The following CC2D2B variants were observed in gnomAD, a reference collection of about 807,000 sequenced individuals.
CC2D2B encodes the protein coiled-coil and C2 domain containing 2B, also known as protein CC2D2B.
In CC2D2B, 128 loss-of-function variants were observed where a neutral mutation model predicts 161.2. That is an observed-to-expected ratio of 0.79 (90% CI 0.69 to 0.92). CC2D2B has a LOEUF of 0.92. CC2D2B is among the 40% of genes least tolerant of loss of function. The probability of loss-of-function intolerance (pLI) is 0.00; values close to 1 mark genes in which losing one functional copy is unlikely to be tolerated. For missense variants in CC2D2B, 1,173 were observed against 1,375.1 expected (o/e 0.85, Z 2.32); for synonymous variants, 391 against 449.8 (o/e 0.87, Z 1.65).
chr10:95,911,209 A>G (rs772659220), intron 1 of CC2D2B, 92 bp from the exon 2 acceptor site: 12 of 199,698 alleles, frequency 6.0e-5, no homozygotes, highest in Non-Finnish European at 9.9e-5. Flanking sequence ...TTGTTAAATT[A>G]AAAAATTTAA....
At chr10:95,921,003 C>G (rs919768941) in intron 2 of CC2D2B, 4 of 152,728 alleles carry the variant, frequency 2.6e-5, no homozygotes, top group African/African-American at 9.7e-5. Context: ...TGCAAGCACT[C>G]CCTTGGCTGC....
At chr10:95,929,878 G>C (rs1028299750) in intron 6 of CC2D2B, among the ~76,000 whole-genome samples, 1 of 152,098 alleles carries the variant, frequency 6.6e-6, no homozygotes, top group African/African-American at 2.4e-5. Flanking sequence ...GGCTATCCAG[G>C]CTCTTTTTTG....
intron 9 of CC2D2B, 126 bp from the exon 10 acceptor site, chr10:95,949,770 T>G: frequency 2.5e-6 from 1 of 395,616 alleles, no homozygotes; most frequent in Non-Finnish European, 4.4e-6. Flanking sequence ...CAAATTATTA[T>G]TTTTTGTTTT....
intron 34 of CC2D2B, among the ~76,000 whole-genome samples, chr10:96,029,322 A>T (rs2079965609): frequency 7.3e-6 from 1 of 137,652 alleles, no homozygotes; most frequent in Non-Finnish European, 1.6e-5. Flanking sequence ...CTATATATGT[A>T]CTATGTGCCC....
intron 9 of CC2D2B, among the ~76,000 whole-genome samples, chr10:95,943,894 T>G (rs2141299281): frequency 6.6e-6 from 1 of 152,308 alleles, no homozygotes; most frequent in South Asian, 2.1e-4. Flanking sequence ...TTGTTAAGCG[T>G]ATTGAGGATG....
intron 34 of CC2D2B, among the ~76,000 whole-genome samples, chr10:96,029,286 GTATATATATATATA>G (rs58363071): frequency 7.1e-5 from 5 of 70,640 alleles, no homozygotes; most frequent in Non-Finnish European, 9.1e-5. Context: ...ATATATATAT[GTATATATATATATA>G]TATATGTATA....
chr10:95,910,366 AC>A (rs2098503979), intron 1 of CC2D2B, among the ~76,000 whole-genome samples: 1 of 152,210 alleles, frequency 6.6e-6, no homozygotes, highest in Non-Finnish European at 1.5e-5. Flanking sequence ...CATGGCTCTA[AC>A]ATCTGCTTCT....
intron 24 of CC2D2B, chr10:96,000,304 C>T (rs1269662801): frequency 1.8e-5 from 12 of 652,050 alleles, no homozygotes; most frequent in Non-Finnish European, 2.3e-5. Flanking sequence ...CTCTATTTTT[C>T]TATTGTTTCG....
intron 26 of CC2D2B, 53 bp downstream of exon 26, chr10:96,009,976 A>G: frequency 9.0e-7 from 1 of 1,109,830 alleles, no homozygotes; most frequent in Admixed American, 1.8e-5. Flanking sequence ...TGGCTCATAG[A>G]AAAACTTTCT....
At chr10:95,987,049 G>T (rs2077757690) in intron 19 of CC2D2B, among the ~76,000 whole-genome samples, 1 of 152,126 alleles carries the variant, frequency 6.6e-6, no homozygotes, top group Admixed American at 6.6e-5. Context: ...ATGAGGCCGG[G>T]TATGGTGGCT....
rs1162642072 is a variant in CC2D2B at position 96,017,061 on chromosome 10, A to AG, written c.3630+747_3630+748insG. On this transcript the variant is annotated intron_variant, in intron 30 of 34. Transcript: ENST00000646931. ...AGTGTATTTTAAGATCTGTAAAAAAAACACTTCTCCTCATGCTCCATTGCT... is the reference window on the plus strand; with the variant it reads ...AGTGTATTTTAAGATCTGTAAAAAAAGACACTTCTCCTCATGCTCCATTGCT... 2.0e-5 allele frequency among the ~76,000 whole-genome samples: 3 copies of AG among 152,332 alleles called. No individual in the cohort carries two copies. The East Asian group carries it at 5.8e-4, about 29-fold the overall frequency.
chr10:95,980,175 GAGGA>G (rs994256796), intron 17 of CC2D2B, among the ~76,000 whole-genome samples: 4 of 145,754 alleles, frequency 2.7e-5, no homozygotes, highest in Non-Finnish European at 4.6e-5. Context: ...AGGGAGGGAG[GAGGA>G]AGGAAGGAAG....
At position 96,033,072 on chromosome 10, in the gene CC2D2B, G is replaced by A. The variant is rs2080112462; in HGVS notation, c.*1064G>A. Among the ~76,000 whole-genome samples the A allele has an allele frequency of 6.6e-6, 1 of 152,150 alleles. No homozygotes were observed. The highest frequency in any genetic ancestry group is 2.1e-4 in the South Asian group (1 of 4,824). ...AACTTATCAAAAAGAAATAATCAAG[G>A]AGTATGGATTTCCAAAGGTTGACCA... On this transcript the variant is annotated 3_prime_UTR_variant, in exon 35 of 35. Transcript: ENST00000646931.
In CC2D2B at chr10:96,012,560, G is replaced by A; in HGVS notation, c.3257G>A (p.Arg1086Lys). The change falls in exon 28 of 35, where the codon AGA becomes AAA. Residue 1086 changes from arginine to lysine, a missense_variant. This residue lies in a region of CC2D2B where 598 missense variants were observed against 693.2 expected (regional missense o/e 0.86). Transcript: ENST00000646931. ...TTAGATCAAACAGAGGTCTTGCAGA[G>A]AGCACAGATTTTTAAAAAGAATTGT... The part of the protein sequence containing the change: ...KFLDQTEVLQ[R>K]AQIFKKNCKA... The A allele has an allele frequency of 1.2e-6, 2 of 1,612,606 alleles. No homozygotes were observed. Among genetic ancestry groups the A allele is most frequent in the Non-Finnish European group, 1.7e-6 (2 of 1,178,812 alleles).
intron 2 of CC2D2B, among the ~76,000 whole-genome samples, chr10:95,917,020 T>C (rs2098517582): frequency 6.6e-6 from 1 of 152,176 alleles, no homozygotes; most frequent in Non-Finnish European, 1.5e-5. Context: ...GCATTGGTTG[T>C]CTATCTCTCC....
At chr10:95,912,837 T>C (rs1244951587) in intron 2 of CC2D2B, among the ~76,000 whole-genome samples, 3 of 152,170 alleles carry the variant, frequency 2.0e-5, no homozygotes, top group African/African-American at 2.4e-5. Flanking sequence ...TTTTTATGGA[T>C]ACACAGTAGG....
At chr10:95,993,248 G>A (rs2078024011) in intron 22 of CC2D2B, 1 of 154,694 alleles carries the variant, frequency 6.5e-6, no homozygotes, top group Non-Finnish European at 1.5e-5. Flanking sequence ...TGGGGCCAGA[G>A]TGGACATCAC....
chr10:95,932,174 A>C (rs1342882462), intron 6 of CC2D2B, among the ~76,000 whole-genome samples: 4 of 152,192 alleles, frequency 2.6e-5, no homozygotes, highest in South Asian at 2.1e-4. Flanking sequence ...GGTTTAAAGT[A>C]TGTTTTATCA....
intron 16 of CC2D2B, among the ~76,000 whole-genome samples, chr10:95,972,881 G>A (rs2077184434): frequency 6.6e-6 from 1 of 152,112 alleles, no homozygotes; most frequent in African/African-American, 2.4e-5. Context: ...ACTGTATAGG[G>A]AAGGGAAGAA....
Sources: allele counts gnomAD v4.1 joint callset (sites outside exome capture counted in the v4.1 genomes callset), GRCh38; gene constraint gnomAD v4.1.1; regional missense constraint gnomAD v4.1.1; transcripts MANE v1.5; gene names NCBI Gene and HGNC (gene_info 2026-07-23, HGNC 2026-07-21).